The following PAK3 variants were observed in gnomAD, a reference collection of about 807,000 sequenced individuals.
The protein encoded by PAK3 is serine/threonine-protein kinase PAK 3.
A neutral mutation model predicts 41.0 loss-of-function variants in PAK3; 4 were observed. The ratio of observed to expected loss-of-function variants is 0.10; its 90% CI spans 0.05 to 0.22. The LOEUF (loss-of-function observed/expected upper bound fraction) is 0.22. Among genes scored for constraint, PAK3 ranks in the 10% least tolerant of loss-of-function variants. The pLI is 1.00. For missense variants in PAK3, 205 were observed against 409.9 expected (o/e 0.50, Z 4.32); for synonymous variants, 146 against 139.6 (o/e 1.05, Z -0.32).
At chrX:110,976,300 G>C (rs1432615979) in intron 1 of PAK3, among the ~76,000 whole-genome samples, 2 of 111,802 alleles carry the variant, frequency 1.8e-5, no homozygotes, top group African/African-American at 6.5e-5. Flanking sequence ...GTTGGCAAAG[G>C]GTGTGAACAG....
chrX:110,989,037 C>T (rs752086460), intron 1 of PAK3, among the ~76,000 whole-genome samples: 5 of 112,151 alleles, frequency 4.5e-5, no homozygotes, highest in East Asian at 2.8e-4. Flanking sequence ...ACTATCCTTC[C>T]GGTCACATCA....
At chrX:111,195,261 C>T (rs2094601298) in intron 14 of PAK3, among the ~76,000 whole-genome samples, 1 of 111,386 alleles carries the variant, frequency 9.0e-6, no homozygotes, top group Non-Finnish European at 1.9e-5. Context: ...ATCCACCAAA[C>T]ATATATGTTT....
At chrX:111,125,758 T>G (rs996025661) in intron 5 of PAK3, among the ~76,000 whole-genome samples, 2 of 111,574 alleles carry the variant, frequency 1.8e-5, no homozygotes, top group African/African-American at 3.3e-5. Flanking sequence ...TTGATTTAAT[T>G]AGACTCTAAT....
intron 1 of PAK3, among the ~76,000 whole-genome samples, chrX:110,948,084 C>T (rs1213428738): frequency 1.8e-5 from 2 of 112,068 alleles, no homozygotes; most frequent in Non-Finnish European, 3.8e-5. Flanking sequence ...GGCAGACTGC[C>T]TCATTTCTCT....
chrX:111,122,765 A>G (rs1383508683), intron 4 of PAK3, among the ~76,000 whole-genome samples: 2 of 112,083 alleles, frequency 1.8e-5, no homozygotes, highest in Non-Finnish European at 3.8e-5. Flanking sequence ...TAAATTGTTC[A>G]CTAAAACACT....
intron 4 of PAK3, among the ~76,000 whole-genome samples, chrX:111,121,653 T>C (rs2093571876): frequency 9.0e-6 from 1 of 111,703 alleles, no homozygotes; most frequent in Non-Finnish European, 1.9e-5. Flanking sequence ...AAAGTGATAA[T>C]GCTAAGTCAT....
chrX:111,196,991 C>T (rs769456928), intron 16 of PAK3, among the ~76,000 whole-genome samples: 3 of 107,430 alleles, frequency 2.8e-5, no homozygotes, highest in Non-Finnish European at 5.8e-5. Context: ...AAATTCCATG[C>T]TGTTGGGGTT....
intron 1 of PAK3, among the ~76,000 whole-genome samples, chrX:111,076,872 G>A (rs760115678): frequency 2.7e-5 from 3 of 111,656 alleles, no homozygotes; most frequent in East Asian, 5.6e-4. Flanking sequence ...CAGAAAGGAA[G>A]AAGTTTAAAT....
Position 110,996,646 on chromosome X carries a change from C to A in PAK3, c.-28+52018C>A, listed in dbSNP as rs763493602. Among the ~76,000 whole-genome samples, 57 of 111,370 alleles carry A rather than the reference C, an allele frequency of 5.1e-4. No homozygotes were observed. The South Asian group carries it at 0.016, about 32-fold the overall frequency. ...AAGAGCCTGCTCTCTCTCTCTCTCT[C>A]TATCTCTCTCTTTCCCCCACCACCC... On this transcript the variant is annotated intron_variant, in intron 1 of 14. Coordinates refer to the PAK3 transcript ENST00000425146.
intron 1 of PAK3, among the ~76,000 whole-genome samples, chrX:111,046,813 G>A (rs779552694): frequency 6.0e-4 from 67 of 112,159 alleles, no homozygotes; most frequent in Non-Finnish European, 1.1e-3. Context: ...AGATAACTAT[G>A]AATATTTTAG....
chrX:111,193,833 G>A (rs2094585908), intron 13 of PAK3, among the ~76,000 whole-genome samples: 1 of 111,278 alleles, frequency 9.0e-6, no homozygotes, highest in Non-Finnish European at 1.9e-5. Context: ...CAGAATTCTA[G>A]GCTGCTTTCC....
chrX:111,210,504 G>T (rs1056704257), intron 16 of PAK3, among the ~76,000 whole-genome samples: 4 of 111,531 alleles, frequency 3.6e-5, no homozygotes, highest in Non-Finnish European at 7.5e-5. Context: ...CTCAGAAAAG[G>T]TGCTATTTTT....
intron 14 of PAK3, among the ~76,000 whole-genome samples, chrX:111,195,284 A>G (rs989520629): frequency 8.9e-6 from 1 of 111,752 alleles, no homozygotes; most frequent in Non-Finnish European, 1.9e-5. Flanking sequence ...TATTCATTCA[A>G]TACATTAAAC....
At chrX:111,113,357 G>T (rs1017406522) in intron 4 of PAK3, among the ~76,000 whole-genome samples, 8 of 111,269 alleles carry the variant, frequency 7.2e-5, no homozygotes, top group Non-Finnish European at 1.5e-4. Flanking sequence ...TTCTCTCTTT[G>T]TATGCTTCCT....
At chrX:110,976,960 G>A (rs1368422326) in intron 1 of PAK3, among the ~76,000 whole-genome samples, 1 of 108,324 alleles carries the variant, frequency 9.2e-6, no homozygotes, top group Non-Finnish European at 1.9e-5. Context: ...GCATGTCAGG[G>A]GTTGGGGGGC....
At chrX:111,217,464 G>A (rs1258698853) in intron 17 of PAK3, 1 of 922,519 alleles carries the variant, frequency 1.1e-6, no homozygotes, top group East Asian at 7.6e-5. Flanking sequence ...GCAACACTTG[G>A]TTATACAGCG....
At chrX:111,008,697 T>C (rs996705979) in intron 1 of PAK3, among the ~76,000 whole-genome samples, 4 of 112,588 alleles carry the variant, frequency 3.6e-5, no homozygotes, top group African/African-American at 1.3e-4. Context: ...TCACATGTAG[T>C]AAGGGTGTGA....
At chrX:111,105,275 TCACA>T (rs923837889) in intron 4 of PAK3, among the ~76,000 whole-genome samples, 1 of 111,142 alleles carries the variant, frequency 9.0e-6, no homozygotes, top group African/African-American at 3.3e-5. Flanking sequence ...TATCATATTC[TCACA>T]CACACACACA....
At position 111,147,767 on chromosome X, in the gene PAK3, C is replaced by A. The variant is rs1390290077; in HGVS notation, c.307C>A (p.Gln103Lys). ...GIPEQWARLL[Q>K]TSNITKLEQK... ...TCCAGAGCAATGGGCACGATTACTCCAAACTTCCAACATAACAAAATTGGA... is the reference window on the plus strand; with the variant it reads ...TCCAGAGCAATGGGCACGATTACTCAAAACTTCCAACATAACAAAATTGGA... Residue 103 changes from glutamine (Q) to lysine (K), a missense_variant, in exon 7 of 18, where the codon CAA becomes AAA. This residue lies in a region of PAK3 where 22 missense variants were observed against 83.5 expected (regional missense o/e 0.26). Coordinates refer to ENST00000372007, the MANE Select transcript of PAK3 (RefSeq NM_002578.5). 3 of 1,206,435 alleles carry A rather than the reference C, an allele frequency of 2.5e-6. No homozygotes were observed. Among genetic ancestry groups the A allele is most frequent in the Non-Finnish European group, 3.4e-6 (3 of 890,847 alleles).
Sources: gnomAD v4.1 joint callset for allele counts (sites outside exome capture counted in the v4.1 genomes callset) on GRCh38, gnomAD v4.1.1 for gene constraint, gnomAD v4.1.1 regional missense constraint, MANE v1.5 for transcripts, NCBI Gene and HGNC (gene_info 2026-07-23, HGNC 2026-07-21) for gene names.